Variants in SPAG16 observed in about 807,000 individuals in gnomAD.
SPAG16 encodes the protein sperm associated antigen 16, also known as sperm-associated antigen 16 protein.
A neutral mutation model predicts 80.4 loss-of-function variants in SPAG16; 86 were observed. The observed-to-expected ratio is 1.07, with a 90% confidence interval of 0.90 to 1.28. The LOEUF (loss-of-function observed/expected upper bound fraction) is 1.28, where lower values mean the gene tolerates loss of function less well. Among genes scored for constraint, SPAG16 ranks in the 50% most tolerant of loss-of-function variants. SPAG16 has a pLI of 0.00. For missense variants in SPAG16, 870 were observed against 765.3 expected (o/e 1.14, Z -1.61); for synonymous variants, 294 against 265.9 (o/e 1.11, Z -1.03).
intron 11 of SPAG16, among the ~76,000 whole-genome samples, chr2:213,875,208 C>T (rs1341457787): frequency 2.0e-5 from 3 of 151,758 alleles, no homozygotes; most frequent in Non-Finnish European, 4.4e-5. Flanking sequence ...CCCCTTGTTA[C>T]TCTAAAAAGT....
chr2:214,031,507 A>G (rs2048410796), intron 13 of SPAG16, among the ~76,000 whole-genome samples: 5 of 143,682 alleles, frequency 3.5e-5, no homozygotes, highest in Non-Finnish European at 1.5e-5. Context: ...ATGACGAGTT[A>G]ATGGGTGCAG....
intron 14 of SPAG16, among the ~76,000 whole-genome samples, chr2:214,131,688 A>G (rs963616265): frequency 6.6e-6 from 1 of 152,196 alleles, no homozygotes; most frequent in African/African-American, 2.4e-5. Context: ...GCACATTACT[A>G]AGTGAAATAG....
chr2:214,166,580 A>G (rs1029002734), intron 15 of SPAG16, among the ~76,000 whole-genome samples: 7 of 151,318 alleles, frequency 4.6e-5, no homozygotes, highest in Middle Eastern at 3.4e-3. Context: ...TAATTTACAT[A>G]TGTATTTCCT....
In SPAG16 at chr2:213,573,598, A is replaced by G. The variant is rs557204587; in HGVS notation, c.1070+83508A>G. Among the ~76,000 whole-genome samples, 365 of 152,218 alleles carry G rather than the reference A, an allele frequency of 2.4e-3. 2 individuals carry two copies. Among genetic ancestry groups the G allele is most frequent in the African/African-American group, 8.3e-3 (345 of 41,534 alleles). On this transcript the variant is annotated intron_variant, in intron 10 of 15. Transcript: ENST00000331683. ...CTCTTGAAATATTTCACTGTTTCTC[A>G]CTGCTCTAATTGCTTTAGGAATTTC...
At chr2:214,295,896 T>A (rs1694098014) in intron 15 of SPAG16, among the ~76,000 whole-genome samples, 1 of 152,210 alleles carries the variant, frequency 6.6e-6, no homozygotes, top group South Asian at 2.1e-4. Flanking sequence ...TATTTTTAAT[T>A]TTTATCTTTT....
intron 14 of SPAG16, among the ~76,000 whole-genome samples, chr2:214,117,289 G>A (rs1451347364): frequency 1.3e-5 from 2 of 152,040 alleles, no homozygotes; most frequent in Non-Finnish European, 2.9e-5. Flanking sequence ...CTTGGTGACA[G>A]GCTATTTGAA....
At chr2:213,405,237 C>CT (rs2068548214) in intron 9 of SPAG16, among the ~76,000 whole-genome samples, 1 of 152,066 alleles carries the variant, frequency 6.6e-6, no homozygotes, top group African/African-American at 2.4e-5. Flanking sequence ...TTAATTTTAG[C>CT]TATTAAGATT....
At chr2:214,083,222 A>G (rs2051500359) in intron 13 of SPAG16, among the ~76,000 whole-genome samples, 3 of 152,152 alleles carry the variant, frequency 2.0e-5, no homozygotes. Flanking sequence ...TTAGAAGAAT[A>G]CTTGAGACCT....
Position 213,284,567 on chromosome 2 carries a change from C to T in SPAG16, c.84C>T (p.Asp28=), listed in dbSNP as rs530095676. ...GCATGGGTTTGACGGCAGCCGGGGA[C>T]GCGAGGGACACGGCGGACGCGGTGG... The part of the protein sequence containing the change: ...ALGMGLTAAG[D]ARDTADAVAA... Residue 28 remains aspartate (D), a synonymous_variant, in exon 1 of 16, where the codon GAC becomes GAT. Transcript: ENST00000331683. 1.5e-5 allele frequency: 24 copies of T among 1,609,118 alleles called. No homozygotes were observed. The East Asian group carries it at 2.5e-4, about 16-fold the overall frequency.
At chr2:214,337,519 T>C (rs549975829) in intron 15 of SPAG16, among the ~76,000 whole-genome samples, 1 of 152,308 alleles carries the variant, frequency 6.6e-6, no homozygotes, top group South Asian at 2.1e-4. Context: ...CAAATTAACT[T>C]AGGAGTACCA....
chr2:214,306,898 A>T (rs1694954887), intron 15 of SPAG16, among the ~76,000 whole-genome samples: 1 of 152,194 alleles, frequency 6.6e-6, no homozygotes, highest in African/African-American at 2.4e-5. Flanking sequence ...TGGTGGCCTC[A>T]TAGAATGAAT....
chr2:214,220,094 G>A (rs1238660442), intron 15 of SPAG16, among the ~76,000 whole-genome samples: 2 of 151,942 alleles, frequency 1.3e-5, no homozygotes, highest in Non-Finnish European at 2.9e-5. Context: ...TAGAATACAA[G>A]ATATAGAATA....
intron 10 of SPAG16, among the ~76,000 whole-genome samples, chr2:213,712,081 C>T (rs1411469274): frequency 1.3e-5 from 2 of 151,818 alleles, no homozygotes; most frequent in East Asian, 1.9e-4. Flanking sequence ...TATAAATGGC[C>T]TAGGAAAATG....
intron 9 of SPAG16, among the ~76,000 whole-genome samples, chr2:213,386,254 A>G (rs1045685708): frequency 6.6e-6 from 1 of 152,146 alleles, no homozygotes; most frequent in African/African-American, 2.4e-5. Flanking sequence ...TTCAGATCCT[A>G]CTGGAAAGGG....
intron 10 of SPAG16, among the ~76,000 whole-genome samples, chr2:213,710,567 C>T (rs10197682): frequency 0.024 from 3,652 of 152,102 alleles, 152 homozygotes; most frequent in African/African-American, 0.082. Flanking sequence ...GTTAGTGTGG[C>T]GACTCTGAAA....
At chr2:214,073,615 A>G (rs1320236541) in intron 13 of SPAG16, among the ~76,000 whole-genome samples, 2 of 152,186 alleles carry the variant, frequency 1.3e-5, no homozygotes, top group Non-Finnish European at 2.9e-5. Flanking sequence ...AAAGATGTCA[A>G]TTCTTCTCAA....
At chr2:213,347,834 G>A (rs1368102113) in intron 6 of SPAG16, among the ~76,000 whole-genome samples, 1 of 152,148 alleles carries the variant, frequency 6.6e-6, no homozygotes, top group African/African-American at 2.4e-5. Context: ...AATAAGTACG[G>A]TGTGGTGCTG....
chr2:213,928,339 C>T (rs1446728031), intron 11 of SPAG16, among the ~76,000 whole-genome samples: 1 of 151,678 alleles, frequency 6.6e-6, no homozygotes, highest in African/African-American at 2.4e-5. Flanking sequence ...TGATCTGCCC[C>T]CCTCGACCTC....
intron 9 of SPAG16, among the ~76,000 whole-genome samples, chr2:213,420,103 A>C (rs1009443182): frequency 2.6e-5 from 4 of 152,212 alleles, no homozygotes; most frequent in Non-Finnish European, 4.4e-5. Flanking sequence ...TTTCATTTAT[A>C]CTGTATCTCA....
Sources: gnomAD v4.1 joint callset for allele counts (sites outside exome capture counted in the v4.1 genomes callset) on GRCh38, gnomAD v4.1.1 for gene constraint, MANE v1.5 for transcripts, NCBI Gene and HGNC (gene_info 2026-07-23, HGNC 2026-07-21) for gene names.